Variants in MTUS2 observed in about 807,000 individuals in gnomAD.
MTUS2 encodes the protein microtubule-associated tumor suppressor candidate 2.
In MTUS2, 40 loss-of-function variants were observed where a neutral mutation model predicts 114.1. That is an observed-to-expected ratio of 0.35 (90% confidence interval 0.27 to 0.46). The LOEUF (loss-of-function observed/expected upper bound fraction) is 0.46. Ranked by LOEUF, MTUS2 falls within the 20% of genes least tolerant of loss-of-function variation. The pLI is 1.00. For missense variants in MTUS2, 1,679 were observed against 1,705.4 expected (o/e 0.98, Z 0.27); for synonymous variants, 688 against 672.0 (o/e 1.02, Z -0.37).
intron 4 of MTUS2, among the ~76,000 whole-genome samples, chr13:29,052,459 C>CAAAAAAAAAAAAAAAAAAAAAAAAAA (rs11325314): frequency 1.1e-5 from 1 of 94,864 alleles, no homozygotes; most frequent in Non-Finnish European, 2.1e-5. Context: ...CTAGCCTGAG[C>CAAAAAAAAAAAAAAAAAAAAAAAAAA]AAAAAAAAAA....
intron 7 of MTUS2, among the ~76,000 whole-genome samples, chr13:29,336,463 G>C (rs572235941): frequency 6.6e-6 from 1 of 152,252 alleles, no homozygotes; most frequent in African/African-American, 2.4e-5. Context: ...TGGGTATCAC[G>C]AGCGGAGGCT....
At chr13:29,407,288 C>G (rs1874833160) in intron 8 of MTUS2, among the ~76,000 whole-genome samples, 1 of 151,906 alleles carries the variant, frequency 6.6e-6, no homozygotes, top group South Asian at 2.1e-4. Flanking sequence ...TGGGTTTTCA[C>G]TATTAAAAAT....
At chr13:29,288,558 G>T (rs1424335420) in intron 6 of MTUS2, among the ~76,000 whole-genome samples, 2 of 152,148 alleles carry the variant, frequency 1.3e-5, no homozygotes, top group Non-Finnish European at 2.9e-5. Context: ...AGGGAGTAAA[G>T]GTGAGAAAAG....
Position 29,276,899 on chromosome 13 carries a change from A to G in MTUS2, c.2645-4805A>G, listed in dbSNP as rs556275576. On this transcript the variant is annotated intron_variant, in intron 5 of 15. Coordinates refer to ENST00000612955, the MANE Select transcript of MTUS2 (RefSeq NM_001033602.4). ...GTGGACAGAGGGAGACTCCGTCTCA[A>G]ATAAATAAATAAATAAATAAATGAA... Among the ~76,000 whole-genome samples the G allele has an allele frequency of 1.3e-4, 20 of 152,042 alleles. No individual in the cohort carries two copies. The East Asian group carries it at 3.9e-3, about 29-fold the overall frequency.
At chr13:28,933,026 G>A (rs980185646) in intron 2 of MTUS2, among the ~76,000 whole-genome samples, 28 of 152,044 alleles carry the variant, frequency 1.8e-4, no homozygotes, top group African/African-American at 5.8e-4. Flanking sequence ...CTCACATTGT[G>A]TTGTGTGTCT....
intron 2 of MTUS2, among the ~76,000 whole-genome samples, chr13:28,987,562 CTGTG>C (rs1384039249): frequency 6.6e-6 from 1 of 152,138 alleles, no homozygotes; most frequent in Non-Finnish European, 1.5e-5. Context: ...AAGGTAAAGA[CTGTG>C]TGGGAACCAG....
intron 1 of MTUS2, among the ~76,000 whole-genome samples, chr13:28,825,096 C>G (rs1255732088): frequency 6.6e-6 from 1 of 152,154 alleles, no homozygotes; most frequent in East Asian, 1.9e-4. Flanking sequence ...GACAGCAGCC[C>G]CATCCCCCAC....
At chr13:29,241,505 C>A (rs1029190) in intron 5 of MTUS2, among the ~76,000 whole-genome samples, 129,336 of 152,118 alleles carry the variant, frequency 0.85, 55,149 homozygotes, top group African/African-American at 0.91. Context: ...CTCAAGTCAC[C>A]TCTCCTGGGA....
intron 8 of MTUS2, among the ~76,000 whole-genome samples, chr13:29,365,234 C>A (rs1166164066): frequency 6.6e-6 from 1 of 152,154 alleles, no homozygotes; most frequent in East Asian, 1.9e-4. Context: ...TGCCAAGCAG[C>A]TCTTTGAAGT....
At chr13:28,843,271 T>C (rs2137995920) in intron 2 of MTUS2, among the ~76,000 whole-genome samples, 1 of 152,256 alleles carries the variant, frequency 6.6e-6, no homozygotes, top group Non-Finnish European at 1.5e-5. Flanking sequence ...AGGTTATTTT[T>C]TTTTTCTACA....
intron 7 of MTUS2, among the ~76,000 whole-genome samples, chr13:29,357,692 G>A (rs1380390578): frequency 6.6e-6 from 1 of 151,786 alleles, no homozygotes; most frequent in Non-Finnish European, 1.5e-5. Flanking sequence ...ACAAGCAAGT[G>A]AGTTTTCTGG....
rs531772593 is a variant in MTUS2 at position 29,230,125 on chromosome 13, A to T, written c.2645-51579A>T. Among the ~76,000 whole-genome samples, 4 of 152,296 alleles carry T rather than the reference A, an allele frequency of 2.6e-5. No individual in the cohort carries two copies. In the East Asian group the frequency reaches 5.8e-4, roughly 22 times the overall value. Reference sequence around the variant, plus strand: ...GCCGGGCATGGTGGTGGGCACCTGTAGTTCCAGCTACTCGGGAGGCTGAGG... The same window carrying T: ...GCCGGGCATGGTGGTGGGCACCTGTTGTTCCAGCTACTCGGGAGGCTGAGG... On this transcript the variant is annotated intron_variant, in intron 5 of 15. Coordinates refer to ENST00000612955, the MANE Select transcript of MTUS2 (RefSeq NM_001033602.4).
At chr13:29,017,553 G>A (rs925859081) in intron 2 of MTUS2, among the ~76,000 whole-genome samples, 7 of 152,130 alleles carry the variant, frequency 4.6e-5, no homozygotes, top group African/African-American at 1.7e-4. Flanking sequence ...TCAAAGTAAA[G>A]TATTATGACA....
chr13:29,457,905 T>A (rs1398066006), intron 9 of MTUS2, among the ~76,000 whole-genome samples: 1 of 152,174 alleles, frequency 6.6e-6, no homozygotes, highest in Non-Finnish European at 1.5e-5. Flanking sequence ...CTAATGATAT[T>A]GAGCACTTTT....
chr13:29,267,032 C>G, intron 5 of MTUS2, among the ~76,000 whole-genome samples: 1 of 152,102 alleles, frequency 6.6e-6, no homozygotes, highest in South Asian at 2.1e-4. Flanking sequence ...GGAGGAGGAT[C>G]TAAATGAAAG....
chr13:29,332,234 A>C (rs1197356195), intron 7 of MTUS2, among the ~76,000 whole-genome samples: 1 of 152,150 alleles, frequency 6.6e-6, no homozygotes, highest in Admixed American at 6.5e-5. Context: ...CCTCAATTTC[A>C]GAACTTGTTA....
intron 8 of MTUS2, 67 bp from the exon 9 acceptor site, chr13:29,439,916 A>C (rs1236627157): frequency 7.7e-6 from 9 of 1,169,032 alleles, no homozygotes; most frequent in African/African-American, 4.6e-5. Flanking sequence ...TTCATTAATT[A>C]ATCATGTGAA....
intron 7 of MTUS2, 77 bp from the exon 8 acceptor site, chr13:29,359,185 T>G: frequency 7.5e-7 from 1 of 1,325,534 alleles, no homozygotes. Context: ...GAACTCCTTG[T>G]GTAATAAGAA....
chr13:29,470,028 A>G (rs1304840832), intron 9 of MTUS2, among the ~76,000 whole-genome samples: 1 of 152,062 alleles, frequency 6.6e-6, no homozygotes, highest in Non-Finnish European at 1.5e-5. Flanking sequence ...TGTATTTTTT[A>G]CATCCCATCC....
Sources: gnomAD v4.1 joint callset for allele counts (sites outside exome capture counted in the v4.1 genomes callset) on GRCh38, gnomAD v4.1.1 for gene constraint, MANE v1.5 for transcripts, NCBI Gene and HGNC (gene_info 2026-07-23, HGNC 2026-07-21) for gene names.